RORA: variants seen among roughly 807,000 people sequenced by gnomAD.
RORA encodes RAR related orphan receptor A, also known as nuclear receptor ROR-alpha.
In RORA, 7 loss-of-function variants were observed where a neutral mutation model predicts 69.5. That is an observed-to-expected ratio of 0.10 (90% CI 0.06 to 0.19). The LOEUF is 0.19. Among genes scored for constraint, RORA ranks in the 10% least tolerant of loss-of-function variants. The pLI, the probability that RORA is intolerant of heterozygous loss-of-function variation, is 1.00. For missense variants in RORA, 457 were observed against 663.0 expected, an observed-to-expected ratio of 0.69 and a Z score of 3.41; for synonymous variants, 261 against 240.8, an observed-to-expected ratio of 1.08 and a Z score of -0.78.
chr15:61,120,478 T>C (rs1025105703), intron 1 of RORA, among the ~76,000 whole-genome samples: 3 of 151,844 alleles, frequency 2.0e-5, no homozygotes, highest in African/African-American at 7.3e-5. Context: ...GGCGGGCGGA[T>C]CACAACTTCA....
At chr15:60,518,026 T>A (rs1257477697) in intron 3 of RORA, among the ~76,000 whole-genome samples, 1 of 152,146 alleles carries the variant, frequency 6.6e-6, no homozygotes, top group Non-Finnish European at 1.5e-5. Context: ...CTTCACTACT[T>A]CTTTTTTTCT....
rs181617188 is a variant in RORA, at chr15:60,524,913, G to A, written c.282+6853C>T. Among the ~76,000 whole-genome samples, 18 of 152,248 alleles carry A rather than the reference G, an allele frequency of 1.2e-4. 1 individual carries two copies. The highest frequency in any genetic ancestry group is 7.8e-4 in the Admixed American group (12 of 15,300). On this transcript the variant is annotated intron_variant, in intron 3 of 10. Coordinates refer to ENST00000335670, the MANE Select transcript of RORA (RefSeq NM_134261.3). The stretch of plus-strand genomic sequence containing the variant: ...AGTTAAACTTAAGAGAGGTTAAGCC[G>A]TGTGCCCAAAGTCACAGAGCAGGTA...
chr15:61,071,971 C>T (rs546419437), intron 1 of RORA, among the ~76,000 whole-genome samples: 127 of 152,096 alleles, frequency 8.3e-4, no homozygotes, highest in Admixed American at 1.1e-3. Context: ...CAGTAAGAAA[C>T]AACCACTAAA....
At chr15:61,167,758 T>A (rs913424119) in intron 1 of RORA, among the ~76,000 whole-genome samples, 3 of 152,208 alleles carry the variant, frequency 2.0e-5, no homozygotes, top group African/African-American at 7.2e-5. Context: ...ACCTCTGGGT[T>A]AGGTCCTTCA....
chr15:60,761,913 G>A (rs141470071), intron 1 of RORA, among the ~76,000 whole-genome samples: 1 of 151,566 alleles, frequency 6.6e-6, no homozygotes, highest in African/African-American at 2.4e-5. Context: ...CTCCCTCTTT[G>A]CAAACTACAG....
chr15:60,801,780 T>C (rs1423607479), intron 1 of RORA, among the ~76,000 whole-genome samples: 1 of 152,156 alleles, frequency 6.6e-6, no homozygotes, highest in African/African-American at 2.4e-5. Flanking sequence ...CTTACAGAAG[T>C]CTCCTAAGAG....
intron 2 of RORA, among the ~76,000 whole-genome samples, chr15:60,630,170 G>A (rs28533348): frequency 6.6e-6 from 1 of 152,176 alleles, no homozygotes; most frequent in Non-Finnish European, 1.5e-5. Context: ...GTTCTACACT[G>A]ATGCAAAGGA....
At chr15:61,141,142 C>A (rs2079294197) in intron 1 of RORA, among the ~76,000 whole-genome samples, 1 of 152,184 alleles carries the variant, frequency 6.6e-6, no homozygotes, top group Non-Finnish European at 1.5e-5. Context: ...CATTTCAAAA[C>A]ACTGTATGCA....
At chr15:60,827,780 G>T (rs1324846002) in intron 1 of RORA, among the ~76,000 whole-genome samples, 1 of 152,224 alleles carries the variant, frequency 6.6e-6, no homozygotes, top group Non-Finnish European at 1.5e-5. Context: ...TGGGGCTGCT[G>T]ATTATTGCTG....
At chr15:61,053,848 G>GATATATATATATATAT (rs3053963) in intron 1 of RORA, among the ~76,000 whole-genome samples, 2,649 of 90,932 alleles carry the variant, frequency 0.029, 428 homozygotes, top group East Asian at 0.087. Flanking sequence ...TAGACTTCAT[G>GATATATATATATATAT]ATATATATAT....
chr15:61,121,685 T>C (rs1214626762), intron 1 of RORA, among the ~76,000 whole-genome samples: 1 of 152,112 alleles, frequency 6.6e-6, no homozygotes, highest in Non-Finnish European at 1.5e-5. Flanking sequence ...CAAAGACTCA[T>C]ATTCTTCATG....
intron 1 of RORA, among the ~76,000 whole-genome samples, chr15:60,966,843 G>T (rs1444981480): frequency 6.6e-6 from 1 of 152,244 alleles, no homozygotes; most frequent in East Asian, 1.9e-4. Context: ...AGTCGGTCCA[G>T]CTCAGCACCA....
At chr15:60,940,911 G>A (rs770958682) in intron 1 of RORA, among the ~76,000 whole-genome samples, 9 of 152,164 alleles carry the variant, frequency 5.9e-5, no homozygotes, top group Non-Finnish European at 1.0e-4. Context: ...TGGCAGCAGA[G>A]TGAGACTCTG....
At chr15:60,627,075 C>T (rs148037829) in intron 2 of RORA, among the ~76,000 whole-genome samples, 19 of 152,294 alleles carry the variant, frequency 1.2e-4, no homozygotes, top group African/African-American at 4.1e-4. Flanking sequence ...TTGATTCATT[C>T]CTCTGTGGCT....
chr15:61,023,187 C>CAAAAAAAAAAAAAAAAAAAAAAAAAAA (rs35185635), intron 1 of RORA, among the ~76,000 whole-genome samples: 1 of 75,672 alleles, frequency 1.3e-5, no homozygotes, highest in Non-Finnish European at 2.4e-5. Context: ...GACTCTGCCT[C>CAAAAAAAAAAAAAAAAAAAAAAAAAAA]AAAAAAAAAA....
chr15:60,526,644 C>T (rs937897545), intron 3 of RORA, among the ~76,000 whole-genome samples: 1 of 152,216 alleles, frequency 6.6e-6, no homozygotes, highest in African/African-American at 2.4e-5. Flanking sequence ...CGTAAGGATG[C>T]AATAACAGCT....
intron 1 of RORA, among the ~76,000 whole-genome samples, chr15:61,219,355 A>T (rs748166294): frequency 2.6e-5 from 4 of 152,198 alleles, no homozygotes; most frequent in Non-Finnish European, 5.9e-5. Context: ...CGGGAGGATC[A>T]CGAGGTCAGG....
chr15:60,819,168 A>G (rs1166482957), intron 1 of RORA, among the ~76,000 whole-genome samples: 1 of 152,228 alleles, frequency 6.6e-6, no homozygotes, highest in Non-Finnish European at 1.5e-5. Flanking sequence ...GATTTATGCT[A>G]TTACTGGAAC....
chr15:61,183,066 T>C (rs973171097), intron 1 of RORA: 1 of 152,266 alleles, frequency 6.6e-6, no homozygotes, highest in Non-Finnish European at 1.5e-5. Context: ...GGCAGAAGAA[T>C]GAGTCAATCC....
Sources: allele counts gnomAD v4.1 joint callset (sites outside exome capture counted in the v4.1 genomes callset), GRCh38; gene constraint gnomAD v4.1.1; transcripts MANE v1.5; gene names NCBI Gene and HGNC (gene_info 2026-07-23, HGNC 2026-07-21).